IQCH: variants seen among roughly 807,000 people sequenced by gnomAD.
IQCH encodes IQ domain-containing protein H.
A neutral mutation model predicts 117.0 loss-of-function variants in IQCH; 98 were observed. The ratio of observed to expected loss-of-function variants is 0.84; its 90% CI spans 0.71 to 0.99. The LOEUF is 0.99. Among genes scored for constraint, IQCH ranks in the 50% least tolerant of loss-of-function variants. The pLI, the probability that IQCH is intolerant of heterozygous loss-of-function variation, is 0.00. For synonymous variants in IQCH, 412 were observed against 448.2 expected (o/e 0.92, Z 1.02); for missense variants, 1,102 against 1,243.8 (o/e 0.89, Z 1.72).
chr15:67,325,476 G>A (rs532180495), intron 4 of IQCH, among the ~76,000 whole-genome samples: 1 of 151,864 alleles, frequency 6.6e-6, no homozygotes, highest in Non-Finnish European at 1.5e-5. Context: ...ATAATACAGA[G>A]GTTAAAAGAA....
chr15:67,412,092 T>C lies in IQCH; in HGVS notation c.2098-4839T>C, dbSNP rs549528951. On this transcript the variant is annotated intron_variant, in intron 14 of 20. Coordinates refer to ENST00000335894, the MANE Select transcript of IQCH (RefSeq NM_001031715.3). ...AAGTTTCTTCTGATGGGAATTGCCC[T>C]AGAGCTATCAGCCCCACAAAGCTAG... 1.7e-4 allele frequency among the ~76,000 whole-genome samples: 26 copies of C among 152,330 alleles called. 1 individual carries two copies. The East Asian group carries it at 4.6e-3, about 27-fold the overall frequency.
At chr15:67,256,666 GA>G (rs781519747) in intron 1 of IQCH, among the ~76,000 whole-genome samples, 2 of 152,114 alleles carry the variant, frequency 1.3e-5, no homozygotes, top group Non-Finnish European at 2.9e-5. Flanking sequence ...CAAATAATTA[GA>G]ACAATAATGG....
intron 1 of IQCH, among the ~76,000 whole-genome samples, chr15:67,259,819 A>G (rs1424082050): frequency 6.6e-5 from 10 of 152,266 alleles, no homozygotes; most frequent in Non-Finnish European, 2.9e-5. Flanking sequence ...TGGACAAAAC[A>G]ATAGAAAGAA....
chr15:67,314,726 G>A (rs1967766409), intron 4 of IQCH, among the ~76,000 whole-genome samples: 2 of 152,192 alleles, frequency 1.3e-5, no homozygotes, highest in African/African-American at 2.4e-5. Flanking sequence ...CTTCCCTCCA[G>A]GAGGTAGCCA....
chr15:67,498,028 C>A (rs1050523015), intron 20 of IQCH, among the ~76,000 whole-genome samples: 17 of 152,070 alleles, frequency 1.1e-4, no homozygotes, highest in African/African-American at 4.1e-4. Flanking sequence ...CATGTGGAAA[C>A]ATAGGAGACC....
rs561349627 is a variant in IQCH at position 67,373,721 on chromosome 15, C to G, written c.1372+288C>G. 1.9e-4 allele frequency: 98 copies of G among 504,840 alleles called. 2 individuals carry two copies. In the South Asian group the frequency reaches 2.2e-3, roughly 11 times the overall value. The allele number at this position is 504,840 out of a possible 1,614,324, so 31.3% of individuals were successfully genotyped here. Reference sequence around the variant, plus strand: ...TGAACTAAAAAGTTGTATTTTTCCCCGAAATAACAGATAATGTTTTCGATC... The same window carrying G: ...TGAACTAAAAAGTTGTATTTTTCCCGGAAATAACAGATAATGTTTTCGATC... On this transcript the variant is annotated intron_variant, in intron 10 of 20. Coordinates refer to ENST00000335894, the MANE Select transcript of IQCH (RefSeq NM_001031715.3).
chr15:67,354,591 G>A (rs1832838710), intron 6 of IQCH, among the ~76,000 whole-genome samples: 1 of 137,200 alleles, frequency 7.3e-6, no homozygotes, highest in Admixed American at 7.1e-5. Flanking sequence ...TTTGTACTGA[G>A]GTCCTAGCAC....
Position 67,313,330 on chromosome 15 carries a change from C to T in IQCH, c.388-23645C>T, listed in dbSNP as rs1393364302. Among the ~76,000 whole-genome samples, 6 of 152,152 alleles carry T rather than the reference C, an allele frequency of 3.9e-5. No individual in the cohort carries two copies. The South Asian group carries it at 1.2e-3, about 32-fold the overall frequency. On this transcript the variant is annotated intron_variant, in intron 4 of 20. Transcript: ENST00000335894. ...GTAAACCAAGTTAACATAGGTATACCACTTAGTCTCTAAAGACAAATTCTT... is the reference window on the plus strand; with the variant it reads ...GTAAACCAAGTTAACATAGGTATACTACTTAGTCTCTAAAGACAAATTCTT...
chr15:67,395,241 G>T lies in IQCH; in HGVS notation c.1633-50G>T, dbSNP rs1971423167. The T allele has an allele frequency of 1.9e-6, 3 of 1,565,882 alleles. No homozygotes were observed. The highest frequency in any genetic ancestry group is 2.6e-6 in the Non-Finnish European group (3 of 1,151,316). ...TGCAACATTATAAATTAGGTGTATG[G>T]ACTAGAAAAAAGGACACCTTTTAAC... On this transcript the variant is annotated intron_variant, in intron 12 of 20. Coordinates refer to ENST00000335894, the MANE Select transcript of IQCH (RefSeq NM_001031715.3). The surrounding 1 kb of genome is among the most constrained non-coding windows in gnomAD (Gnocchi z 4.0).
At position 67,408,762 on chromosome 15, in the gene IQCH, A is replaced by C. The variant is rs1273348634; in HGVS notation, c.2098-8169A>C. Among the ~76,000 whole-genome samples the C allele has an allele frequency of 1.3e-5, 2 of 152,198 alleles. No individual in the cohort carries two copies. The highest frequency in any genetic ancestry group is 2.9e-5 in the Non-Finnish European group (2 of 68,036). ...TTTCAATTAAAGAGCTTTCATCAGC[A>C]TATGCAATTTTCTCAACCAGCGATA... On this transcript the variant is annotated intron_variant, in intron 14 of 20. Coordinates refer to ENST00000335894, the MANE Select transcript of IQCH (RefSeq NM_001031715.3). The surrounding 1 kb of genome is among the most constrained non-coding windows in gnomAD (Gnocchi z 4.2).
chr15:67,290,632 A>G (rs1966719436), intron 4 of IQCH, among the ~76,000 whole-genome samples: 1 of 152,096 alleles, frequency 6.6e-6, no homozygotes, highest in Non-Finnish European at 1.5e-5. Flanking sequence ...TAGAAGAAAT[A>G]CAGCACATAT....
At position 67,359,825 on chromosome 15, in the gene IQCH, T is replaced by G; in HGVS notation, c.715-22T>G. On this transcript the variant is annotated intron_variant, in intron 7 of 20. Transcript: ENST00000335894. This position sits in a 1 kb window ranked among gnomAD's most constrained non-coding sequence, Gnocchi z 4.5. ...CCATGAGAGTCGTTTTGATTTAAAC[T>G]GTGTCTCATTCTTCATTGTAGGGGA... The G allele has an allele frequency of 6.0e-6, 8 of 1,336,820 alleles. No individual in the cohort carries two copies. Among genetic ancestry groups the G allele is most frequent in the Non-Finnish European group, 8.4e-6 (8 of 946,830 alleles). 82.8% of individuals were successfully genotyped at this position (1,336,820 alleles called of 1,614,324 possible). A position where few individuals can be genotyped will look rare whatever the true frequency, so the allele number is the denominator to read the frequency against.
intron 3 of IQCH, among the ~76,000 whole-genome samples, chr15:67,276,944 C>G (rs1966149151): frequency 1.3e-5 from 2 of 152,134 alleles, no homozygotes; most frequent in Admixed American, 6.5e-5. Context: ...CTCTTGTATT[C>G]CTATAAGTAT....
At chr15:67,394,633 G>T (rs756495164) in intron 12 of IQCH, among the ~76,000 whole-genome samples, 32 of 152,178 alleles carry the variant, frequency 2.1e-4, no homozygotes, top group Non-Finnish European at 4.4e-5. Context: ...GTATTGCTGA[G>T]CTGGGACTAA....
At chr15:67,371,543 TATAAC>T (rs774230210) in intron 8 of IQCH, 212 of 1,472,884 alleles carry the variant, frequency 1.4e-4, no homozygotes, top group South Asian at 1.9e-4. Context: ...GGTGATAACA[TATAAC>T]ATAATGTTCC....
intron 4 of IQCH, among the ~76,000 whole-genome samples, chr15:67,285,770 A>G (rs544866342): frequency 1.3e-5 from 2 of 152,044 alleles, no homozygotes; most frequent in East Asian, 3.9e-4. Context: ...GTAGGTGTGC[A>G]GTCTTATTTC....
intron 1 of IQCH, among the ~76,000 whole-genome samples, chr15:67,258,384 A>C (rs1257074224): frequency 6.6e-6 from 1 of 151,774 alleles, no homozygotes; most frequent in Non-Finnish European, 1.5e-5. Flanking sequence ...TACAAAAATT[A>C]GCCGAGCGTG....
chr15:67,441,675 AC>A (rs1470842996), intron 16 of IQCH, among the ~76,000 whole-genome samples: 1 of 152,204 alleles, frequency 6.6e-6, no homozygotes, highest in Non-Finnish European at 1.5e-5. Context: ...GGGATAATTG[AC>A]TAGCCACATT....
Position 67,405,200 on chromosome 15 carries a change from A to T in IQCH, c.2097+4895A>T, listed in dbSNP as rs896753054. On this transcript the variant is annotated intron_variant, in intron 14 of 20. Transcript: ENST00000335894. The surrounding 1 kb of genome is among the most constrained non-coding windows in gnomAD (Gnocchi z 4.8). ...AGGTTAAGAAAAAATCTAGGTTATT[A>T]TTTTTTCCAGTCATGAAACTACATA... The T allele has an allele frequency of 3.9e-5, 6 of 152,042 alleles. 1 individual carries two copies. In the South Asian group the frequency reaches 1.2e-3, roughly 32 times the overall value. 9.4% of individuals were successfully genotyped at this position (152,042 alleles called of 1,614,324 possible).
Sources: gnomAD v4.1 joint callset for allele counts (sites outside exome capture counted in the v4.1 genomes callset) on GRCh38, gnomAD v4.1.1 for gene constraint, Gnocchi (gnomAD v3.1) non-coding constraint, MANE v1.5 for transcripts, NCBI Gene and HGNC (gene_info 2026-07-23, HGNC 2026-07-21) for gene names.